SLC36A1: variants seen among roughly 807,000 people sequenced by gnomAD.
The protein encoded by SLC36A1 is proton-coupled amino acid transporter 1.
A neutral mutation model predicts 47.5 loss-of-function variants in SLC36A1; 30 were observed. That is an observed-to-expected ratio of 0.63 (90% CI 0.47 to 0.86). The LOEUF (loss-of-function observed/expected upper bound fraction) is 0.86. SLC36A1 is among the 40% of genes least tolerant of loss of function. The pLI is 0.00. For missense variants in SLC36A1, 517 were observed against 606.0 expected (o/e 0.85, Z 1.54); for synonymous variants, 255 against 249.7 (o/e 1.02, Z -0.20).
At chr5:151,379,583 C>T in the SLC36A1 span, among the ~76,000 whole-genome samples, 3 of 152,154 alleles carry the variant, frequency 2.0e-5, no homozygotes, top group African/African-American at 7.2e-5. Flanking sequence ...CTGCCCGCCT[C>T]GGCCTCCCAA....
chr5:151,382,554 T>C, the SLC36A1 span, among the ~76,000 whole-genome samples: 1 of 152,188 alleles, frequency 6.6e-6, no homozygotes, highest in Non-Finnish European at 1.5e-5. Flanking sequence ...CAACTTAGCA[T>C]CTTGGAAAGA....
upstream of SLC36A1, among the ~76,000 whole-genome samples, chr5:151,445,661 T>C (rs553683423): frequency 7.5e-4 from 114 of 152,330 alleles, no homozygotes; most frequent in Non-Finnish European, 1.5e-3. Flanking sequence ...ATCTTCAATC[T>C]CTTTATTTGT....
At chr5:151,401,632 T>C in the SLC36A1 span, among the ~76,000 whole-genome samples, 1 of 151,992 alleles carries the variant, frequency 6.6e-6, no homozygotes, top group South Asian at 2.1e-4. Flanking sequence ...TCATCTTGAC[T>C]CTTTAAATCT....
the SLC36A1 span, among the ~76,000 whole-genome samples, chr5:151,534,143 T>C: frequency 6.6e-6 from 1 of 152,192 alleles, no homozygotes; most frequent in East Asian, 1.9e-4. Context: ...AATGGCAGTA[T>C]TGAAAAGTCC....
chr5:151,527,209 G>T, the SLC36A1 span: 1 of 1,581,938 alleles, frequency 6.3e-7, no homozygotes, highest in South Asian at 1.2e-5. Context: ...GAAGGGCTCA[G>T]GGTGCCTTGG....
chr5:151,391,072 CTT>C, the SLC36A1 span, among the ~76,000 whole-genome samples: 1 of 152,072 alleles, frequency 6.6e-6, no homozygotes, highest in South Asian at 2.1e-4. Context: ...TTTGAGTCCT[CTT>C]TTATTTTGTT....
At chr5:151,398,684 G>A in the SLC36A1 span, among the ~76,000 whole-genome samples, 1 of 152,192 alleles carries the variant, frequency 6.6e-6, no homozygotes, top group African/African-American at 2.4e-5. Flanking sequence ...TGTTAAAAGA[G>A]AACTAAAAGG....
the SLC36A1 span, among the ~76,000 whole-genome samples, chr5:151,536,557 CAAAGGAAGT>C: frequency 6.6e-6 from 1 of 152,258 alleles, no homozygotes; most frequent in African/African-American, 2.4e-5. Flanking sequence ...GCTGCTCTTC[CAAAGGAAGT>C]CCACTCCACC....
chr5:151,379,178 GA>G, the SLC36A1 span, among the ~76,000 whole-genome samples: 5 of 152,310 alleles, frequency 3.3e-5, no homozygotes, highest in African/African-American at 1.2e-4. Flanking sequence ...AGAATTTGCA[GA>G]CTCAGACCAT....
the SLC36A1 span, among the ~76,000 whole-genome samples, chr5:151,359,543 A>G: frequency 6.6e-6 from 1 of 152,220 alleles, no homozygotes; most frequent in African/African-American, 2.4e-5. Flanking sequence ...GCAAGTGTGC[A>G]ATTAAATGAC....
At chr5:151,441,912 G>C (rs11951808) in intron 1 of SLC36A1, among the ~76,000 whole-genome samples, 35,271 of 151,846 alleles carry the variant, frequency 0.23, 4,417 homozygotes, top group African/African-American at 0.31. Context: ...TCCTCATGCC[G>C]CTTTATAATC....
At chr5:151,546,069 G>T in the SLC36A1 span, 3 of 1,614,142 alleles carry the variant, frequency 1.9e-6, no homozygotes, top group African/African-American at 1.3e-5. Context: ...CTTCAGAGGG[G>T]CTCATAGCAG....
At chr5:151,364,058 C>T in the SLC36A1 span, among the ~76,000 whole-genome samples, 2 of 152,280 alleles carry the variant, frequency 1.3e-5, no homozygotes, top group East Asian at 3.9e-4. Flanking sequence ...GTTTACATTT[C>T]TCTTGACTGT....
chr5:151,518,654 T>C, the SLC36A1 span, among the ~76,000 whole-genome samples: 17 of 152,250 alleles, frequency 1.1e-4, no homozygotes, highest in Non-Finnish European at 2.5e-4. Flanking sequence ...TGATAGACTG[T>C]ATGGCCAAAA....
the SLC36A1 span, chr5:151,531,697 C>T: frequency 3.3e-5 from 54 of 1,613,700 alleles, 1 homozygote; most frequent in Middle Eastern, 1.6e-4. This position sits in a 1 kb window ranked among gnomAD's most constrained non-coding sequence, Gnocchi z 5.7. Context: ...CACCTCCGTG[C>T]CAGGTGGGGC....
the SLC36A1 span, among the ~76,000 whole-genome samples, chr5:151,395,284 A>T: frequency 1.3e-5 from 2 of 152,072 alleles, no homozygotes; most frequent in Non-Finnish European, 2.9e-5. Flanking sequence ...GAGTGACCCA[A>T]TTTTCCAGGT....
the SLC36A1 span, among the ~76,000 whole-genome samples, chr5:151,394,102 C>T: frequency 6.6e-6 from 1 of 152,144 alleles, no homozygotes; most frequent in African/African-American, 2.4e-5. Flanking sequence ...TTGTTTGTTT[C>T]CTTTTACTCT....
the SLC36A1 span, among the ~76,000 whole-genome samples, chr5:151,419,639 A>G: frequency 6.6e-6 from 1 of 152,148 alleles, no homozygotes; most frequent in Non-Finnish European, 1.5e-5. Context: ...TCTGGGTCCC[A>G]TCCTCAGAGT....
chr5:151,391,229 GCTT>G, the SLC36A1 span, among the ~76,000 whole-genome samples: 1 of 152,282 alleles, frequency 6.6e-6, no homozygotes, highest in South Asian at 2.1e-4. Context: ...GTATAAGAAT[GCTT>G]CTGATTTTTG....
Sources: allele counts gnomAD v4.1 joint callset (sites outside exome capture counted in the v4.1 genomes callset), GRCh38; gene constraint gnomAD v4.1.1; non-coding constraint Gnocchi (gnomAD v3.1); transcripts MANE v1.5; gene names NCBI Gene and HGNC (gene_info 2026-07-23, HGNC 2026-07-21).